The following CEMIP2 variants were observed in gnomAD, a reference collection of about 807,000 sequenced individuals.
The protein encoded by CEMIP2 is cell migration inducing hyaluronidase 2.
In CEMIP2, 79 loss-of-function variants were observed where a neutral mutation model predicts 146.9. That is an observed-to-expected ratio of 0.54 (90% confidence interval 0.45 to 0.65). CEMIP2 has a LOEUF of 0.65. Among genes scored for constraint, CEMIP2 ranks in the 30% least tolerant of loss-of-function variants. The probability of loss-of-function intolerance (pLI) is 0.00; values close to 1 mark genes in which losing one functional copy is unlikely to be tolerated. For missense variants in CEMIP2, 1,596 were observed against 1,696.2 expected (o/e 0.94, Z 1.04); for synonymous variants, 601 against 606.3 (o/e 0.99, Z 0.13).
chr9:71,765,795 A>G (rs1360216910), intron 1 of CEMIP2, among the ~76,000 whole-genome samples: 2 of 152,182 alleles, frequency 1.3e-5, no homozygotes, highest in African/African-American at 4.8e-5. Flanking sequence ...TGACACAGGT[A>G]TCTTCAATCC....
chr9:71,697,113 C>A (rs897758332), intron 20 of CEMIP2, among the ~76,000 whole-genome samples: 1 of 152,226 alleles, frequency 6.6e-6, no homozygotes, highest in South Asian at 2.1e-4. Context: ...TGCCAGGCCG[C>A]AGCCCCACAG....
intron 15 of CEMIP2, 93 bp downstream of exon 15, chr9:71,714,841 C>A: frequency 7.5e-7 from 1 of 1,338,390 alleles, no homozygotes; most frequent in Non-Finnish European, 1.0e-6. Flanking sequence ...TGGTAGGAAC[C>A]AATCCATCCA....
chr9:71,690,081 G>T lies in CEMIP2; in HGVS notation c.3851+11C>A. The T allele has an allele frequency of 6.2e-7, 1 of 1,613,342 alleles. No individual in the cohort carries two copies. Among genetic ancestry groups the T allele is most frequent in the Non-Finnish European group, 8.5e-7 (1 of 1,179,420 alleles). ...GTGGCTTTTCCCTGTTACAGCACAA[G>T]CTTGACCTACCTTGGAGGGATGCCT... On this transcript the variant is annotated intron_variant, in intron 22 of 23. Coordinates refer to ENST00000377044, the MANE Select transcript of CEMIP2 (RefSeq NM_013390.3).
Position 71,700,822 on chromosome 9 carries a change from T to C in CEMIP2, c.3197A>G (p.Asn1066Ser), listed in dbSNP as rs747852965. 7 of 1,606,416 alleles carry C rather than the reference T, an allele frequency of 4.4e-6. No homozygotes were observed. The highest frequency in any genetic ancestry group is 5.9e-6 in the Non-Finnish European group (7 of 1,177,918). ...TFLYLVNFNK[N>S]DWIRVGLCYP... The stretch of plus-strand genomic sequence containing the variant: ...GCAAAGGCCAACTCGAATCCAGTCA[T>C]TCCTTTAAAGGAGAAACATAAAAAA... The change falls in exon 19 of 24, where the codon AAT becomes AGT. Residue 1066 changes from asparagine to serine, a missense_variant and splice_region_variant. Coordinates refer to ENST00000377044, the MANE Select transcript of CEMIP2 (RefSeq NM_013390.3).
chr9:71,745,065 C>T lies in CEMIP2; in HGVS notation c.987G>A (p.Met329Ile), dbSNP rs1238978126. ...AKSLLQGTIQMIQERLGSELI... is the reference protein window; with the variant it reads ...AKSLLQGTIQIIQERLGSELI... ...GTTCACTTCCCAACCGTTCCTGGAT[C>T]ATCTGGATGGTTCCTTGTAAGAGAC... Residue 329 changes from methionine to isoleucine, a missense_variant, in exon 4 of 24, where the codon ATG becomes ATA. By Grantham distance (10) the Met-to-Ile change is conservative. Transcript: ENST00000377044. 6.2e-7 allele frequency: 1 copy of T among 1,614,152 alleles called. No individual in the cohort carries two copies. The highest frequency in any genetic ancestry group is 8.5e-7 in the Non-Finnish European group (1 of 1,180,000).
At chr9:71,711,666 C>A (rs1218543606) in intron 16 of CEMIP2, among the ~76,000 whole-genome samples, 3 of 152,122 alleles carry the variant, frequency 2.0e-5, no homozygotes, top group Non-Finnish European at 4.4e-5. Context: ...GCTTTATTCA[C>A]AACCTCTTAT....
chr9:71,686,679 A>G (rs1822071265), intron 22 of CEMIP2: 1 of 152,086 alleles, frequency 6.6e-6, no homozygotes, highest in Admixed American at 6.6e-5. Flanking sequence ...ATTTGTATAA[A>G]TTTGTGAGGC....
At chr9:71,758,281 G>A (rs1589169813) in intron 1 of CEMIP2, among the ~76,000 whole-genome samples, 1 of 152,136 alleles carries the variant, frequency 6.6e-6, no homozygotes, top group East Asian at 1.9e-4. Flanking sequence ...ACAGGTGTGG[G>A]GCCAAGGACC....
At chr9:71,702,128 T>C (rs1348427652) in intron 18 of CEMIP2, among the ~76,000 whole-genome samples, 1 of 151,862 alleles carries the variant, frequency 6.6e-6, no homozygotes, top group East Asian at 1.9e-4. Flanking sequence ...TGTGGTGGCA[T>C]ACGCCTGTAG....
chr9:71,715,081 C>T lies in CEMIP2; in HGVS notation c.2444G>A (p.Ser815Asn), dbSNP rs777154428. The change falls in exon 15 of 24, where the codon AGC becomes AAC. Residue 815 changes from serine to asparagine, a missense_variant. Physicochemically the swap from Ser to Asn is conservative, Grantham distance 46. Coordinates refer to ENST00000377044, the MANE Select transcript of CEMIP2 (RefSeq NM_013390.3). ...GIGLTFASDG[S>N]FPSDEGSSQE... Reference sequence around the variant, plus strand: ...GCTGGAACCTTCATCACTTGGGAAGCTTCCATCACTGTTAAAATGCGAACA... The same window carrying T: ...GCTGGAACCTTCATCACTTGGGAAGTTTCCATCACTGTTAAAATGCGAACA... 4 of 1,612,908 alleles carry T rather than the reference C, an allele frequency of 2.5e-6. No individual in the cohort carries two copies. Among genetic ancestry groups the T allele is most frequent in the Non-Finnish European group, 3.4e-6 (4 of 1,179,672 alleles).
chr9:71,703,582 T>C (rs1302707657), intron 18 of CEMIP2, among the ~76,000 whole-genome samples: 2 of 152,224 alleles, frequency 1.3e-5, no homozygotes, highest in Non-Finnish European at 2.9e-5. Context: ...ACAAGCCATT[T>C]CAATTTTTCA....
intron 18 of CEMIP2, among the ~76,000 whole-genome samples, chr9:71,701,657 G>T (rs915807148): frequency 1.3e-5 from 2 of 152,040 alleles, no homozygotes; most frequent in East Asian, 3.9e-4. Flanking sequence ...GTATGTAAAG[G>T]TATATGCCTT....
chr9:71,704,958 C>A, intron 17 of CEMIP2, 155 bp from the exon 18 acceptor site: 2 of 651,036 alleles, frequency 3.1e-6, no homozygotes, highest in African/African-American at 1.8e-5. Context: ...CATCCTCAGC[C>A]ACTTATAGTG....
At chr9:71,734,768 AGT>A (rs1348832503) in intron 6 of CEMIP2, 36 bp downstream of exon 6, 2 of 1,526,060 alleles carry the variant, frequency 1.3e-6, no homozygotes, top group African/African-American at 1.4e-5. Flanking sequence ...CCAAGAAAAT[AGT>A]GTGTTTCCCA....
intron 1 of CEMIP2, among the ~76,000 whole-genome samples, chr9:71,755,156 G>A (rs1189951817): frequency 1.4e-5 from 2 of 148,096 alleles, no homozygotes; most frequent in Non-Finnish European, 3.0e-5. Flanking sequence ...CAATTATTTT[G>A]AGATTTCAAT....
chr9:71,696,191 T>C (rs1822395723), intron 20 of CEMIP2, among the ~76,000 whole-genome samples: 1 of 152,220 alleles, frequency 6.6e-6, no homozygotes, highest in East Asian at 1.9e-4. Flanking sequence ...TTATAATGTT[T>C]ATTATAGATT....
intron 6 of CEMIP2, among the ~76,000 whole-genome samples, 166 bp from the exon 7 acceptor site, chr9:71,732,686 A>ATTTTTTTTTTTTTTTTTTTTTTTTT (rs59985618): frequency 2.6e-5 from 2 of 75,878 alleles, no homozygotes; most frequent in African/African-American, 1.2e-4. Flanking sequence ...GACACGGGGA[A>ATTTTTTTTTTTTTTTTTTTTTTTTT]TTTTTTTTTT....
At chr9:71,705,817 G>GTA (rs369531126) in intron 17 of CEMIP2, among the ~76,000 whole-genome samples, 4,541 of 150,218 alleles carry the variant, frequency 0.03, 130 homozygotes, top group African/African-American at 0.065. Context: ...ATGTGTGTGT[G>GTA]TATATATATA....
intron 19 of CEMIP2, chr9:71,699,402 T>C: frequency 2.2e-6 from 1 of 450,354 alleles, no homozygotes; most frequent in Non-Finnish European, 4.4e-6. Context: ...ACCACAACTA[T>C]GCCTGTGAAC....
Sources: allele counts gnomAD v4.1 joint callset (sites outside exome capture counted in the v4.1 genomes callset), GRCh38; gene constraint gnomAD v4.1.1; transcripts MANE v1.5; gene names NCBI Gene and HGNC (gene_info 2026-07-23, HGNC 2026-07-21).